SLC35E2B: variants seen among roughly 807,000 people sequenced by gnomAD.
The protein encoded by SLC35E2B is solute carrier family 35, member E2B.
A neutral mutation model predicts 32.4 loss-of-function variants in SLC35E2B; 18 were observed. The observed-to-expected ratio is 0.56, with a 90% CI of 0.38 to 0.82. The LOEUF is 0.82. SLC35E2B is among the 40% of genes least tolerant of loss of function. The probability of loss-of-function intolerance (pLI) is 0.00; values close to 1 mark genes in which losing one functional copy is unlikely to be tolerated. For missense variants in SLC35E2B, 263 were observed against 469.5 expected (o/e 0.56, Z 4.06); for synonymous variants, 132 against 209.1 (o/e 0.63, Z 3.18).
Position 1,665,580 on chromosome 1 carries a change from T to C in SLC35E2B, c.*202A>G. 1.3e-6 allele frequency: 1 copy of C among 767,100 alleles called. No homozygotes were observed. Among genetic ancestry groups the C allele is most frequent in the Non-Finnish European group, 2.0e-6 (1 of 489,762 alleles). 47.5% of individuals were successfully genotyped at this position (767,100 alleles called of 1,614,324 possible). A position where few individuals can be genotyped will look rare whatever the true frequency, so the allele number is the denominator to read the frequency against. On this transcript the variant is annotated 3_prime_UTR_variant, in exon 10 of 10. Transcript: ENST00000617444. ...CGGACACAGTCAGCTACTGGTCTGG[T>C]CTCTACTCCAGGAAGCTGATACCTG...
chr1:1,664,037 G>A lies in SLC35E2B; in HGVS notation c.*1745C>T. 1 of 245,280 alleles carries A rather than the reference G, an allele frequency of 4.1e-6. No individual in the cohort carries two copies. Among genetic ancestry groups the A allele is most frequent in the Non-Finnish European group, 6.5e-6 (1 of 153,810 alleles). 15.2% of individuals were successfully genotyped at this position (245,280 alleles called of 1,614,324 possible). A position where few individuals can be genotyped will look rare whatever the true frequency, so the allele number is the denominator to read the frequency against. The stretch of plus-strand genomic sequence containing the variant: ...GAGAGCCCAGCTCAACAAAAAAATA[G>A]CCAGGCATGGTGGCACGTGCCTGTG... On this transcript the variant is annotated 3_prime_UTR_variant, in exon 10 of 10. Transcript: ENST00000617444.
chr1:1,683,520 TGGGC>T (rs1200451090), intron 2 of SLC35E2B, among the ~76,000 whole-genome samples: 1 of 152,204 alleles, frequency 6.6e-6, no homozygotes, highest in Non-Finnish European at 1.5e-5. Flanking sequence ...AGGCCCTCTC[TGGGC>T]GCCACCCCCT....
chr1:1,679,855 G>A (rs983099036), intron 2 of SLC35E2B, among the ~76,000 whole-genome samples: 4 of 144,364 alleles, frequency 2.8e-5, no homozygotes, highest in Admixed American at 7.0e-5. Flanking sequence ...AAAAAATGCT[G>A]GGCGCGATGG....
Position 1,692,531 on chromosome 1 carries a change from C to G in SLC35E2B, c.-648G>C. The G allele has an allele frequency of 8.1e-6, 8 of 985,974 alleles. No individual in the cohort carries two copies. The highest frequency in any genetic ancestry group is 9.6e-6 in the Non-Finnish European group (8 of 830,582). 61.1% of individuals were successfully genotyped at this position (985,974 alleles called of 1,614,324 possible). ...ACAAAGGGACGCTGGCGGGCGGGGC[C>G]TGAGAGGCGCGCGGTGGAGGGGCCG... On this transcript the variant is annotated 5_prime_UTR_variant, in exon 1 of 10. Transcript: ENST00000617444.
In SLC35E2B at chr1:1,663,355, T is replaced by C. The variant is rs1643456118; in HGVS notation, c.*2427A>G. ...CACCTCTCCTTATGCCAGACCACAATCTTCAAAGAGGCCGGCAGCCACATT... is the reference window on the plus strand; with the variant it reads ...CACCTCTCCTTATGCCAGACCACAACCTTCAAAGAGGCCGGCAGCCACATT... On this transcript the variant is annotated 3_prime_UTR_variant, in exon 10 of 10. Coordinates refer to ENST00000617444, the MANE Select transcript of SLC35E2B (RefSeq NM_001290264.2). 1.0e-6 allele frequency: 1 copy of C among 965,110 alleles called. No homozygotes were observed. Among genetic ancestry groups the C allele is most frequent in the Non-Finnish European group, 1.2e-6 (1 of 811,948 alleles). 59.8% of individuals were successfully genotyped at this position (965,110 alleles called of 1,614,324 possible).
At position 1,665,160 on chromosome 1, in the gene SLC35E2B, CCTT is replaced by C. The variant is rs979363423; in HGVS notation, c.*619_*621del. The C allele has an allele frequency of 1.8e-4, 30 of 164,322 alleles. No individual in the cohort carries two copies. Among genetic ancestry groups the C allele is most frequent in the Non-Finnish European group, 2.6e-5 (2 of 77,980 alleles). The allele number at this position is 164,322 out of a possible 1,614,324, so 10.2% of individuals were successfully genotyped here. A position where few individuals can be genotyped will look rare whatever the true frequency, so the allele number is the denominator to read the frequency against. ...ACTGAACGGCCTCCGTGGTCATAGC[CCTT>C]GAGTGCCGTGCAATGCTGCAGCTTG... is the stretch of plus-strand genomic sequence containing the variant. On this transcript the variant is annotated 3_prime_UTR_variant, in exon 10 of 10. Coordinates refer to ENST00000617444, the MANE Select transcript of SLC35E2B (RefSeq NM_001290264.2).
At position 1,665,424 on chromosome 1, in the gene SLC35E2B, A is replaced by G. The variant is rs1570305768; in HGVS notation, c.*358T>C. ...GAGGGCTCTCTTGGCTGTGGCAGGG[A>G]GCGGCTCTCGTTGGCACTGGACCCA... is the stretch of plus-strand genomic sequence containing the variant. On this transcript the variant is annotated 3_prime_UTR_variant, in exon 10 of 10. Transcript: ENST00000617444. 1 of 461,834 alleles carries G rather than the reference A, an allele frequency of 2.2e-6. No homozygotes were observed. Among genetic ancestry groups the G allele is most frequent in the South Asian group, 5.1e-5 (1 of 19,784 alleles). 28.6% of individuals were successfully genotyped at this position (461,834 alleles called of 1,614,324 possible).
chr1:1,669,800 C>T, intron 7 of SLC35E2B, 64 bp from the exon 8 acceptor site: 1 of 1,508,126 alleles, frequency 6.6e-7, no homozygotes, highest in South Asian at 1.2e-5. Flanking sequence ...ACGCAGCTCC[C>T]TCACAGCAAG....
rs1245213395 is a variant in SLC35E2B, at chr1:1,663,133, T to C, written c.*2649A>G. On this transcript the variant is annotated 3_prime_UTR_variant, in exon 10 of 10. Coordinates refer to ENST00000617444, the MANE Select transcript of SLC35E2B (RefSeq NM_001290264.2). ...GCTGCCTCATGGGCTCCAGGCTCCTTCTGCCAGGATGAGGAAGAGGCCCCA... is the reference window on the plus strand; with the variant it reads ...GCTGCCTCATGGGCTCCAGGCTCCTCCTGCCAGGATGAGGAAGAGGCCCCA... 37 of 948,190 alleles carry C rather than the reference T, an allele frequency of 3.9e-5. 1 individual carries two copies. The highest frequency in any genetic ancestry group is 1.3e-4 in the Admixed American group (2 of 15,650). 58.7% of individuals were successfully genotyped at this position (948,190 alleles called of 1,614,324 possible). A position where few individuals can be genotyped will look rare whatever the true frequency, so the allele number is the denominator to read the frequency against.
chr1:1,683,933 A>T (rs1643922104), intron 2 of SLC35E2B, among the ~76,000 whole-genome samples: 1 of 152,220 alleles, frequency 6.6e-6, no homozygotes, highest in African/African-American at 2.4e-5. Flanking sequence ...CTCCAGGTGC[A>T]GGTGCCTGTT....
chr1:1,674,012 T>G (rs1382322174), intron 5 of SLC35E2B: 1 of 174,034 alleles, frequency 5.7e-6, no homozygotes, highest in Non-Finnish European at 1.3e-5. Flanking sequence ...TCATAATCTT[T>G]GTTCCTGTTC....
chr1:1,692,477 G>T lies in SLC35E2B; in HGVS notation c.-594C>A, dbSNP rs1298471523. 2 of 986,144 alleles carry T rather than the reference G, an allele frequency of 2.0e-6. No individual in the cohort carries two copies. Among genetic ancestry groups the T allele is most frequent in the African/African-American group, 3.5e-5 (2 of 56,600 alleles). The allele number at this position is 986,144 out of a possible 1,614,324, so 61.1% of individuals were successfully genotyped here. A position where few individuals can be genotyped will look rare whatever the true frequency, so the allele number is the denominator to read the frequency against. On this transcript the variant is annotated 5_prime_UTR_variant, in exon 1 of 10. Coordinates refer to ENST00000617444, the MANE Select transcript of SLC35E2B (RefSeq NM_001290264.2). ...GAGCCTGATGCAGTCTCCGCCGCAGGCATAGCGCTAGGCCCCGGCGCCTTC... is the reference window on the plus strand; with the variant it reads ...GAGCCTGATGCAGTCTCCGCCGCAGTCATAGCGCTAGGCCCCGGCGCCTTC...
chr1:1,680,114 T>C lies in SLC35E2B; in HGVS notation c.-147-3268A>G, dbSNP rs534391314. ...TGTACTCCAGCCTGGGCAACAAGAG[T>C]GAAACTCCGTCTCAAAAAAAAAAAA... On this transcript the variant is annotated intron_variant, in intron 2 of 9. Transcript: ENST00000617444. Among the ~76,000 whole-genome samples, 4 of 145,974 alleles carry C rather than the reference T, an allele frequency of 2.7e-5. No homozygotes were observed. In the South Asian group the frequency reaches 6.5e-4, roughly 24 times the overall value.
rs1643529781 is a variant in SLC35E2B at position 1,665,897 on chromosome 1, T to C, written c.1103A>G (p.Asn368Ser). The part of the protein sequence containing the change: ...ALVTVGVLLY[N>S]KARQHQQEAL... ...CTCCTGCTGGTGTTGCCTGGCTTTGTTGTAGAGCAGGACCCCAACGGTCAC... is the reference window on the plus strand; with the variant it reads ...CTCCTGCTGGTGTTGCCTGGCTTTGCTGTAGAGCAGGACCCCAACGGTCAC... Residue 368 changes from asparagine to serine, a missense_variant, in exon 10 of 10, where the codon AAC becomes AGC. Physicochemically the swap from Asn to Ser is conservative, Grantham distance 46. Around this residue, in one of 7 missense-constraint regions of SLC35E2B, gnomAD observed 78 missense variants for 71.1 expected, o/e 1.10. Transcript: ENST00000617444. The C allele has an allele frequency of 1.3e-6, 2 of 1,551,264 alleles. No individual in the cohort carries two copies. Among genetic ancestry groups the C allele is most frequent in the East Asian group, 4.9e-5 (2 of 40,926 alleles).
chr1:1,664,333 T>G lies in SLC35E2B; in HGVS notation c.*1449A>C, dbSNP rs1021267654. 1.1e-6 allele frequency: 1 copy of G among 937,584 alleles called. No individual in the cohort carries two copies. The highest frequency in any genetic ancestry group is 1.8e-5 in the African/African-American group (1 of 56,610). The allele number at this position is 937,584 out of a possible 1,614,324, so 58.1% of individuals were successfully genotyped here. On this transcript the variant is annotated 3_prime_UTR_variant, in exon 10 of 10. Coordinates refer to ENST00000617444, the MANE Select transcript of SLC35E2B (RefSeq NM_001290264.2). ...TCTTCAGGAGGGGCTATTTTTGTAT[T>G]TCCCAGGTGAGAAGCCAAATGGAAA...
At chr1:1,685,169 C>A (rs1643936162) in intron 2 of SLC35E2B, among the ~76,000 whole-genome samples, 1 of 151,008 alleles carries the variant, frequency 6.6e-6, no homozygotes, top group South Asian at 2.1e-4. Flanking sequence ...TGCTTGTAAT[C>A]CTAGCACTTT....
chr1:1,683,835 G>A (rs1643920847), intron 2 of SLC35E2B, among the ~76,000 whole-genome samples: 2 of 152,140 alleles, frequency 1.3e-5, no homozygotes, highest in Non-Finnish European at 2.9e-5. Flanking sequence ...AGGAGCTTCT[G>A]TGCCAGGAAC....
chr1:1,674,951 C>T (rs1336569029), intron 5 of SLC35E2B, among the ~76,000 whole-genome samples: 2 of 152,096 alleles, frequency 1.3e-5, no homozygotes, highest in African/African-American at 2.4e-5. Flanking sequence ...CGCTGGAAAT[C>T]GCCTGTGAGT....
chr1:1,664,320 G>A lies in SLC35E2B; in HGVS notation c.*1462C>T. 4.3e-6 allele frequency: 4 copies of A among 919,726 alleles called. No homozygotes were observed. Among genetic ancestry groups the A allele is most frequent in the Non-Finnish European group, 5.2e-6 (4 of 769,888 alleles). 57.0% of individuals were successfully genotyped at this position (919,726 alleles called of 1,614,324 possible). A position where few individuals can be genotyped will look rare whatever the true frequency, so the allele number is the denominator to read the frequency against. ...CTGAATGATTTTATCTTCAGGAGGG[G>A]CTATTTTTGTATTTCCCAGGTGAGA... On this transcript the variant is annotated 3_prime_UTR_variant, in exon 10 of 10. Transcript: ENST00000617444.
Sources: gnomAD v4.1 joint callset for allele counts (sites outside exome capture counted in the v4.1 genomes callset) on GRCh38, gnomAD v4.1.1 for gene constraint, gnomAD v4.1.1 regional missense constraint, MANE v1.5 for transcripts, NCBI Gene and HGNC (gene_info 2026-07-23, HGNC 2026-07-21) for gene names.